Variants in VTI1A observed in about 807,000 individuals in gnomAD.
VTI1A encodes vesicle transport through interaction with t-SNAREs homolog 1A.
Under a neutral mutation model 34.9 loss-of-function variants are expected in VTI1A, and 22 were observed. The observed-to-expected ratio is 0.63, with a 90% confidence interval of 0.45 to 0.90. VTI1A has a LOEUF of 0.90. Ranked by LOEUF, VTI1A falls within the 40% of genes least tolerant of loss-of-function variation. The pLI, the probability that VTI1A is intolerant of heterozygous loss-of-function variation, is 0.00. For synonymous variants in VTI1A, 87 were observed against 97.3 expected (o/e 0.89, Z 0.62); for missense variants, 268 against 275.6 (o/e 0.97, Z 0.20).
chr10:112,511,750 A>G (rs763136514), intron 3 of VTI1A, among the ~76,000 whole-genome samples: 5 of 152,066 alleles, frequency 3.3e-5, no homozygotes, highest in Admixed American at 1.3e-4. Context: ...CCTGTTACCT[A>G]TATTTCCACC....
At chr10:112,666,417 T>A (rs117397238) in intron 5 of VTI1A, among the ~76,000 whole-genome samples, 1 of 152,222 alleles carries the variant, frequency 6.6e-6, no homozygotes. Context: ...CAAATTCTTC[T>A]GTTAACACTT....
At chr10:112,641,446 A>C (rs186992862) in intron 5 of VTI1A, among the ~76,000 whole-genome samples, 1 of 152,296 alleles carries the variant, frequency 6.6e-6, no homozygotes, top group East Asian at 1.9e-4. Context: ...GGAGGGACTC[A>C]CAGAGGCTAT....
chr10:112,510,743 T>C (rs1022598724), intron 3 of VTI1A, among the ~76,000 whole-genome samples: 1 of 152,204 alleles, frequency 6.6e-6, no homozygotes, highest in Non-Finnish European at 1.5e-5. Context: ...GGAATACTCT[T>C]TTATTTTGAA....
chr10:112,489,574 G>T (rs1328050146), intron 3 of VTI1A, among the ~76,000 whole-genome samples: 2 of 152,110 alleles, frequency 1.3e-5, no homozygotes, highest in Admixed American at 1.3e-4. Context: ...GACTAAAAAA[G>T]GTTCTGGTTA....
intron 5 of VTI1A, among the ~76,000 whole-genome samples, chr10:112,582,764 G>A (rs1435130517): frequency 6.6e-6 from 1 of 152,070 alleles, no homozygotes; most frequent in Non-Finnish European, 1.5e-5. Flanking sequence ...ACTTAAACGT[G>A]TTTTTAGTCA....
At chr10:112,792,003 C>T (rs530317746) in intron 7 of VTI1A, among the ~76,000 whole-genome samples, 1 of 152,132 alleles carries the variant, frequency 6.6e-6, no homozygotes, top group Non-Finnish European at 1.5e-5. Flanking sequence ...CGGCCAGGCA[C>T]GATGGCTCAC....
chr10:112,596,538 G>T (rs868199451), intron 5 of VTI1A, among the ~76,000 whole-genome samples: 33 of 152,124 alleles, frequency 2.2e-4, no homozygotes, highest in South Asian at 1.9e-3. Context: ...TCAAATTCTG[G>T]CTATTTCTTA....
At chr10:112,598,784 A>T (rs1161906140) in intron 5 of VTI1A, among the ~76,000 whole-genome samples, 2 of 152,176 alleles carry the variant, frequency 1.3e-5, no homozygotes, top group East Asian at 3.9e-4. Context: ...TGGACTCATG[A>T]TTGATTTTCT....
At chr10:112,723,939 T>C (rs1000689593) in intron 7 of VTI1A, among the ~76,000 whole-genome samples, 1 of 152,202 alleles carries the variant, frequency 6.6e-6, no homozygotes, top group Non-Finnish European at 1.5e-5. Flanking sequence ...TTGTGGACAC[T>C]GGTGGAATAT....
chr10:112,450,926 T>G lies in VTI1A; in HGVS notation c.94+3459T>G, dbSNP rs186219187. 1.5e-3 allele frequency among the ~76,000 whole-genome samples: 226 copies of G among 152,298 alleles called. 2 individuals are homozygous for G. The highest frequency in any genetic ancestry group is 4.9e-3 in the African/African-American group (203 of 41,552). ...TCCTCTAGTGATGGGAGTGAATTCT[T>G]AAGTGGGGAATGTTTTCCTCTGGTG... is the stretch of plus-strand genomic sequence containing the variant. On this transcript the variant is annotated intron_variant, in intron 1 of 7. Transcript: ENST00000393077.
chr10:112,641,623 A>G (rs1411202897), intron 5 of VTI1A, among the ~76,000 whole-genome samples: 1 of 152,198 alleles, frequency 6.6e-6, no homozygotes. Flanking sequence ...CCCCACTCGT[A>G]GAAGGTCACC....
At chr10:112,594,123 G>A (rs1177155878) in intron 5 of VTI1A, among the ~76,000 whole-genome samples, 1 of 152,080 alleles carries the variant, frequency 6.6e-6, no homozygotes, top group East Asian at 1.9e-4. Flanking sequence ...GTGTTAGCCA[G>A]GATGGTCTCG....
chr10:112,611,781 G>A (rs1005069821), intron 5 of VTI1A, among the ~76,000 whole-genome samples: 10 of 113,420 alleles, frequency 8.8e-5, no homozygotes, highest in African/African-American at 2.2e-4. Flanking sequence ...TCGCTCTGTC[G>A]CCCAGGCTGG....
intron 5 of VTI1A, among the ~76,000 whole-genome samples, chr10:112,622,386 A>C (rs1233515796): frequency 2.6e-5 from 4 of 151,994 alleles, no homozygotes; most frequent in Admixed American, 2.6e-4. Flanking sequence ...TGGCTTTGGT[A>C]GATTTTAATG....
chr10:112,791,689 C>T (rs1852483332), intron 7 of VTI1A, among the ~76,000 whole-genome samples: 1 of 152,152 alleles, frequency 6.6e-6, no homozygotes, highest in African/African-American at 2.4e-5. Context: ...TACATTTCCA[C>T]AAGGTGCTTG....
At chr10:112,655,361 G>A (rs1847193765) in intron 5 of VTI1A, among the ~76,000 whole-genome samples, 1 of 152,114 alleles carries the variant, frequency 6.6e-6, no homozygotes, top group African/African-American at 2.4e-5. Flanking sequence ...GAAGGTGTGT[G>A]TATATGTGGT....
intron 7 of VTI1A, among the ~76,000 whole-genome samples, chr10:112,727,925 G>A (rs1850098597): frequency 6.6e-6 from 1 of 152,036 alleles, no homozygotes; most frequent in East Asian, 1.9e-4. Flanking sequence ...AAGTTACCAG[G>A]CGGCCTGAGG....
intron 3 of VTI1A, among the ~76,000 whole-genome samples, chr10:112,482,032 A>G (rs960960174): frequency 1.3e-5 from 2 of 152,244 alleles, no homozygotes; most frequent in Non-Finnish European, 2.9e-5. Flanking sequence ...AATGATCATC[A>G]TATCAAGGGA....
intron 1 of VTI1A, chr10:112,449,435 G>A (rs1407013927): frequency 1.3e-5 from 2 of 152,168 alleles, no homozygotes; most frequent in East Asian, 3.9e-4. Context: ...CACATAGAAG[G>A]AAACTTTTTG....
Sources: allele counts gnomAD v4.1 joint callset (sites outside exome capture counted in the v4.1 genomes callset), GRCh38; gene constraint gnomAD v4.1.1; transcripts MANE v1.5; gene names NCBI Gene and HGNC (gene_info 2026-07-23, HGNC 2026-07-21).